EXOC6B: variants seen among roughly 807,000 people sequenced by gnomAD.
EXOC6B encodes SEC15 homolog B.
EXOC6B carries 54 observed loss-of-function variants against 113.5 expected under a neutral mutation model. The observed-to-expected ratio is 0.48, with a 90% CI of 0.38 to 0.60. The LOEUF (loss-of-function observed/expected upper bound fraction) is 0.60, where lower values mean the gene tolerates loss of function less well. Ranked by LOEUF, EXOC6B falls within the 20% of genes least tolerant of loss-of-function variation. EXOC6B has a pLI of 0.00. For synonymous variants in EXOC6B, 357 were observed against 339.0 expected (o/e 1.05, Z -0.58); for missense variants, 797 against 977.5 (o/e 0.82, Z 2.46).
intron 14 of EXOC6B, 48 bp from the exon 15 acceptor site, chr2:72,495,587 T>C (rs780286828): frequency 9.2e-6 from 9 of 977,680 alleles, no homozygotes; most frequent in Middle Eastern, 2.1e-4. Flanking sequence ...CAACGAAGAT[T>C]GAAGATATTT....
chr2:72,450,257 C>T (rs953540485), intron 18 of EXOC6B, among the ~76,000 whole-genome samples: 3 of 152,230 alleles, frequency 2.0e-5, no homozygotes, highest in Admixed American at 1.3e-4. Flanking sequence ...TAGTAAAACT[C>T]TGGTATGTGG....
At chr2:72,767,873 T>TGGGAGGCC (rs371923370) in intron 1 of EXOC6B, among the ~76,000 whole-genome samples, 14 of 138,226 alleles carry the variant, frequency 1.0e-4, no homozygotes, top group African/African-American at 3.0e-4. Context: ...TCCAGAACTT[T>TGGGAGGCC]GGGAGGCCGA....
intron 18 of EXOC6B, among the ~76,000 whole-genome samples, chr2:72,404,431 C>A (rs574545121): frequency 2.6e-5 from 4 of 152,300 alleles, no homozygotes; most frequent in Admixed American, 2.6e-4. Context: ...TCCCTGACCC[C>A]GAGTAGCCTA....
chr2:72,346,924 G>A (rs750964092), intron 19 of EXOC6B, among the ~76,000 whole-genome samples: 1 of 152,054 alleles, frequency 6.6e-6, no homozygotes, highest in Non-Finnish European at 1.5e-5. Flanking sequence ...ATTTGTAATT[G>A]CTGAAGACTT....
At chr2:72,339,911 TGA>T (rs1311734476) in intron 19 of EXOC6B, among the ~76,000 whole-genome samples, 3 of 152,120 alleles carry the variant, frequency 2.0e-5, no homozygotes, top group Non-Finnish European at 4.4e-5. Flanking sequence ...CAAATATATA[TGA>T]GATATGGTAA....
At position 72,606,146 on chromosome 2, in the gene EXOC6B, A is replaced by G. The variant is rs148347324; in HGVS notation, c.670-30478T>C. 2.9e-3 allele frequency among the ~76,000 whole-genome samples: 442 copies of G among 152,304 alleles called. 1 individual carries two copies. Among genetic ancestry groups the G allele is most frequent in the African/African-American group, 4.6e-3 (192 of 41,578 alleles). ...CATAATTTATTTTCTACATAGGCCA[A>G]TAGGAATTAGTCTCATTTCTAATCT... is the stretch of plus-strand genomic sequence containing the variant. On this transcript the variant is annotated intron_variant, in intron 6 of 21. Coordinates refer to ENST00000272427, the MANE Select transcript of EXOC6B (RefSeq NM_015189.3).
At chr2:72,472,776 G>T (rs1458031020) in intron 17 of EXOC6B, among the ~76,000 whole-genome samples, 1 of 151,940 alleles carries the variant, frequency 6.6e-6, no homozygotes, top group Non-Finnish European at 1.5e-5. Flanking sequence ...TTGTTAGATT[G>T]TTTATTTGAA....
chr2:72,502,234 T>G (rs1387136893), intron 11 of EXOC6B, among the ~76,000 whole-genome samples: 2 of 152,238 alleles, frequency 1.3e-5, no homozygotes, highest in African/African-American at 4.8e-5. Context: ...TTTTGAAGAA[T>G]AAGAAGTTCT....
intron 6 of EXOC6B, among the ~76,000 whole-genome samples, chr2:72,686,141 A>T (rs977635948): frequency 2.0e-5 from 3 of 152,196 alleles, no homozygotes; most frequent in Non-Finnish European, 4.4e-5. Context: ...CTCCGGACAG[A>T]GGAATCCACT....
At chr2:72,196,553 T>G (rs1679179959) in intron 20 of EXOC6B, among the ~76,000 whole-genome samples, 2 of 152,322 alleles carry the variant, frequency 1.3e-5, no homozygotes, top group South Asian at 4.1e-4. Context: ...CATTGCCAAA[T>G]TTTGGAACTA....
chr2:72,767,228 G>A (rs771352498), intron 1 of EXOC6B, among the ~76,000 whole-genome samples: 1 of 151,872 alleles, frequency 6.6e-6, no homozygotes, highest in Non-Finnish European at 1.5e-5. Flanking sequence ...TTAGGAGTTC[G>A]AGACAAGACT....
At chr2:72,703,894 T>G (rs962977446) in intron 6 of EXOC6B, among the ~76,000 whole-genome samples, 18 of 151,024 alleles carry the variant, frequency 1.2e-4, no homozygotes, top group Admixed American at 2.0e-4. Context: ...CTCCCTCTTT[T>G]CCTAATTGAA....
intron 8 of EXOC6B, among the ~76,000 whole-genome samples, chr2:72,558,455 A>T (rs1703695099): frequency 6.6e-6 from 1 of 152,192 alleles, no homozygotes; most frequent in African/African-American, 2.4e-5. Context: ...AGTAATGACA[A>T]AGTGGTACTA....
At chr2:72,324,205 A>G (rs1688000726) in intron 20 of EXOC6B, among the ~76,000 whole-genome samples, 1 of 152,212 alleles carries the variant, frequency 6.6e-6, no homozygotes, top group Admixed American at 6.5e-5. Flanking sequence ...TAATAGAGAA[A>G]AATAAAGCAA....
intron 1 of EXOC6B, among the ~76,000 whole-genome samples, chr2:72,748,573 T>C (rs916690215): frequency 6.6e-5 from 10 of 152,140 alleles, no homozygotes; most frequent in Admixed American, 3.9e-4. Flanking sequence ...CTGAACACTA[T>C]ACCCAAATAT....
chr2:72,544,803 C>T (rs6739768), intron 8 of EXOC6B, among the ~76,000 whole-genome samples: 1 of 151,902 alleles, frequency 6.6e-6, no homozygotes, highest in East Asian at 1.9e-4. Context: ...CTAAATACAC[C>T]ATTTCCCATT....
chr2:72,483,859 A>G (rs559054882), intron 16 of EXOC6B, among the ~76,000 whole-genome samples: 1 of 152,340 alleles, frequency 6.6e-6, no homozygotes, highest in South Asian at 2.1e-4. Flanking sequence ...ACTACTTCCC[A>G]GTCTCTTACA....
chr2:72,574,525 G>A (rs947416379), intron 7 of EXOC6B, among the ~76,000 whole-genome samples: 1 of 152,126 alleles, frequency 6.6e-6, no homozygotes, highest in Non-Finnish European at 1.5e-5. Flanking sequence ...AGAGTAGTAA[G>A]GGTATAACAG....
chr2:72,401,537 ATATATATG>A (rs1250873979), intron 18 of EXOC6B, among the ~76,000 whole-genome samples: 19 of 31,754 alleles, frequency 6.0e-4, no homozygotes, highest in Admixed American at 1.0e-3. Flanking sequence ...ATATATATAT[ATATATATG>A]TGTATATATA....
Sources: gnomAD v4.1 joint callset for allele counts (sites outside exome capture counted in the v4.1 genomes callset) on GRCh38, gnomAD v4.1.1 for gene constraint, MANE v1.5 for transcripts, NCBI Gene and HGNC (gene_info 2026-07-23, HGNC 2026-07-21) for gene names.